The following STON1 variants were observed in gnomAD, a reference collection of about 807,000 sequenced individuals.
The protein encoded by STON1 is stonin 1.
STON1 carries 79 observed loss-of-function variants against 60.9 expected under a neutral mutation model. The ratio of observed to expected loss-of-function variants is 1.30; its 90% CI spans 1.08 to 1.56. STON1 has a LOEUF of 1.56. Among genes scored for constraint, STON1 ranks in the 40% most tolerant of loss-of-function variants. The pLI is 0.00. For synonymous variants in STON1, 363 were observed against 306.9 expected (o/e 1.18, Z -1.91); for missense variants, 1,166 against 858.9 (o/e 1.36, Z -4.47).
intron 1 of STON1, among the ~76,000 whole-genome samples, chr2:48,559,134 C>T (rs1672505683): frequency 6.6e-6 from 1 of 152,186 alleles, no homozygotes; most frequent in Non-Finnish European, 1.5e-5. Context: ...GGATATTCAA[C>T]CTGTAGTAAC....
At chr2:48,583,542 T>C (rs1390034982) in intron 2 of STON1, among the ~76,000 whole-genome samples, 7 of 151,970 alleles carry the variant, frequency 4.6e-5, no homozygotes, top group Non-Finnish European at 1.0e-4. Context: ...TAAATAGTAG[T>C]GGACATAATA....
chr2:48,547,502 C>T (rs115632320), intron 1 of STON1, among the ~76,000 whole-genome samples: 3 of 152,142 alleles, frequency 2.0e-5, no homozygotes, highest in Non-Finnish European at 4.4e-5. Flanking sequence ...AGCCCTGAGG[C>T]GGGGATAGCA....
At chr2:48,569,146 C>G (rs1411162865) in intron 1 of STON1, 1 of 152,192 alleles carries the variant, frequency 6.6e-6, no homozygotes, top group Non-Finnish European at 1.5e-5. Flanking sequence ...GATAATATTA[C>G]TTCATGAGTT....
At chr2:48,583,158 G>A (rs987444422) in intron 2 of STON1, among the ~76,000 whole-genome samples, 2 of 152,184 alleles carry the variant, frequency 1.3e-5, no homozygotes, top group African/African-American at 2.4e-5. Context: ...GCACGATCAC[G>A]GCTCACTGCA....
chr2:48,560,973 C>T (rs1489300269), intron 1 of STON1, among the ~76,000 whole-genome samples: 1 of 152,216 alleles, frequency 6.6e-6, no homozygotes, highest in Non-Finnish European at 1.5e-5. Flanking sequence ...GCCTTGGGGG[C>T]TCCTCCACCT....
In STON1 at chr2:48,564,449, C is replaced by A. The variant is rs532489919; in HGVS notation, c.-47-16138C>A. Among the ~76,000 whole-genome samples, 71 of 52,600 alleles carry A rather than the reference C, an allele frequency of 1.3e-3. 1 individual carries two copies. Among genetic ancestry groups the A allele is most frequent in the African/African-American group, 4.8e-3 (67 of 14,022 alleles). The allele number at this position is 52,600 out of a possible 152,430, so 34.5% of individuals were successfully genotyped here. ...TCTTCTTCTTCTTCTTCTTCTTCTTCTTCTTCTTCTTCTTCTTCTTCTTCT... is the reference window on the plus strand; with the variant it reads ...TCTTCTTCTTCTTCTTCTTCTTCTTATTCTTCTTCTTCTTCTTCTTCTTCT... On this transcript the variant is annotated intron_variant, in intron 1 of 3. Coordinates refer to ENST00000404752, the MANE Select transcript of STON1 (RefSeq NM_006873.4).
At position 48,557,380 on chromosome 2, in the gene STON1, G is replaced by A. The variant is rs866422507; in HGVS notation, c.-47-23207G>A. Among the ~76,000 whole-genome samples, 5 of 105,742 alleles carry A rather than the reference G, an allele frequency of 4.7e-5. 1 individual carries two copies. The highest frequency in any genetic ancestry group is 1.0e-4 in the Non-Finnish European group (5 of 47,656). The allele number at this position is 105,742 out of a possible 152,430, so 69.4% of individuals were successfully genotyped here. A position where few individuals can be genotyped will look rare whatever the true frequency, so the allele number is the denominator to read the frequency against. The stretch of plus-strand genomic sequence containing the variant: ...GCTCCCCACATCTCAGACGATGGGC[G>A]GCCGAGCAGAGAGGCTCCTCACTTC... On this transcript the variant is annotated intron_variant, in intron 1 of 3. Transcript: ENST00000404752.
chr2:48,564,309 G>T (rs1672732309), intron 1 of STON1, among the ~76,000 whole-genome samples: 1 of 151,404 alleles, frequency 6.6e-6, no homozygotes, highest in Non-Finnish European at 1.5e-5. Context: ...TACTAGCATG[G>T]TTGGGTTCTG....
rs778321231 is a variant in STON1, at chr2:48,581,083, T to C, written c.450T>C (p.Gly150=). 5.6e-6 allele frequency: 9 copies of C among 1,600,908 alleles called. No homozygotes were observed. The highest frequency in any genetic ancestry group is 6.8e-6 in the Non-Finnish European group (8 of 1,175,078). ...HSCTHPTPKV[G]LPDEVNPQQA... Reference sequence around the variant, plus strand: ...GTACACATCCAACTCCCAAAGTAGGTCTTCCAGATGAAGTTAATCCTCAAC... The same window carrying C: ...GTACACATCCAACTCCCAAAGTAGGCCTTCCAGATGAAGTTAATCCTCAAC... Residue 150 remains glycine, a synonymous_variant, in exon 2 of 4, where the codon GGT becomes GGC. Transcript: ENST00000404752.
At chr2:48,574,907 C>G (rs1184978790) in intron 1 of STON1, among the ~76,000 whole-genome samples, 1 of 152,198 alleles carries the variant, frequency 6.6e-6, no homozygotes, top group Admixed American at 6.5e-5. Context: ...TAAAAGTTTT[C>G]AACTGTTAAA....
rs1674806675 is a variant in STON1 at position 48,596,974 on chromosome 2, A to C, written c.*1672A>C. On this transcript the variant is annotated 3_prime_UTR_variant, in exon 4 of 4. Transcript: ENST00000404752. ...AAGGGATTCTCCTGCCTCAGCCTCC[A>C]ACTAGCTGGGATTACAGGCACAAGC... 6.6e-6 allele frequency: 1 copy of C among 151,952 alleles called. No individual in the cohort carries two copies. Among genetic ancestry groups the C allele is most frequent in the African/African-American group, 2.4e-5 (1 of 41,342 alleles). The allele number at this position is 151,952 out of a possible 1,614,324, so 9.4% of individuals were successfully genotyped here.
At chr2:48,534,014 C>G (rs181601685) in intron 1 of STON1, among the ~76,000 whole-genome samples, 51 of 152,194 alleles carry the variant, frequency 3.4e-4, no homozygotes, top group African/African-American at 1.2e-3. Context: ...GGTGATCCGC[C>G]AGCCTCAGCC....
chr2:48,573,246 C>A (rs138748899), intron 1 of STON1, among the ~76,000 whole-genome samples: 1 of 152,288 alleles, frequency 6.6e-6, no homozygotes, highest in Non-Finnish European at 1.5e-5. Flanking sequence ...TTGCCCTATC[C>A]CAGCTACTTG....
chr2:48,545,425 A>G (rs545374327), intron 1 of STON1, among the ~76,000 whole-genome samples: 1 of 152,266 alleles, frequency 6.6e-6, no homozygotes, highest in East Asian at 1.9e-4. Flanking sequence ...ACGGGCGCGC[A>G]CAGACCCCGG....
chr2:48,574,636 C>T (rs1344505192), intron 1 of STON1, among the ~76,000 whole-genome samples: 1 of 152,164 alleles, frequency 6.6e-6, no homozygotes, highest in East Asian at 1.9e-4. Flanking sequence ...TAATACACTT[C>T]ACAGGGTCTT....
At chr2:48,556,994 T>A in intron 1 of STON1, among the ~76,000 whole-genome samples, 1 of 66,318 alleles carries the variant, frequency 1.5e-5, no homozygotes, top group East Asian at 7.0e-4. Context: ...ACCTCCCTCC[T>A]GGACGGCACG....
At chr2:48,535,163 A>G (rs1671371409) in intron 1 of STON1, among the ~76,000 whole-genome samples, 1 of 152,150 alleles carries the variant, frequency 6.6e-6, no homozygotes, top group Admixed American at 6.6e-5. Flanking sequence ...GAAAGCACCG[A>G]GGCTCAAATG....
chr2:48,597,117 T>C lies in STON1; in HGVS notation c.*1815T>C, dbSNP rs1292930016. 6.6e-6 allele frequency: 1 copy of C among 152,194 alleles called. No homozygotes were observed. Among genetic ancestry groups the C allele is most frequent in the African/African-American group, 2.4e-5 (1 of 41,440 alleles). 9.4% of individuals were successfully genotyped at this position (152,194 alleles called of 1,614,324 possible). On this transcript the variant is annotated 3_prime_UTR_variant, in exon 4 of 4. Transcript: ENST00000404752. The stretch of plus-strand genomic sequence containing the variant: ...ATCCACCAGCCTCGGCCTCCCAAAG[T>C]TCTGGGATTAAATGCGTGAGCCACC...
At chr2:48,545,435 G>C (rs766158729) in intron 1 of STON1, among the ~76,000 whole-genome samples, 1 of 152,144 alleles carries the variant, frequency 6.6e-6, no homozygotes, top group South Asian at 2.1e-4. Flanking sequence ...ACAGACCCCG[G>C]CCAGACATGT....
Sources: gnomAD v4.1 joint callset for allele counts (sites outside exome capture counted in the v4.1 genomes callset) on GRCh38, gnomAD v4.1.1 for gene constraint, MANE v1.5 for transcripts, NCBI Gene and HGNC (gene_info 2026-07-23, HGNC 2026-07-21) for gene names.